LINGO2: variants seen among roughly 807,000 people sequenced by gnomAD.
LINGO2 encodes the protein leucine rich repeat and Ig domain containing 2, also known as leucine-rich repeat and immunoglobulin-like domain-containing nogo receptor-interacting protein 2.
LINGO2 carries 14 observed loss-of-function variants against 30.6 expected under a neutral mutation model. The ratio of observed to expected loss-of-function variants is 0.46; its 90% CI spans 0.30 to 0.72. The LOEUF (loss-of-function observed/expected upper bound fraction) is 0.72. Ranked by LOEUF, LINGO2 falls within the 30% of genes least tolerant of loss-of-function variation. The pLI, the probability that LINGO2 is intolerant of heterozygous loss-of-function variation, is 0.07. For synonymous variants in LINGO2, 317 were observed against 288.5 expected, an observed-to-expected ratio of 1.10 and a Z score of -1.00; for missense variants, 729 against 751.7, an observed-to-expected ratio of 0.97 and a Z score of 0.35.
the LINGO2 span, among the ~76,000 whole-genome samples, chr9:28,765,385 T>C: frequency 6.6e-6 from 1 of 152,068 alleles, no homozygotes; most frequent in Non-Finnish European, 1.5e-5. Flanking sequence ...AATACTGGTA[T>C]GTTTTGGATA....
chr9:28,896,593 TA>T, the LINGO2 span, among the ~76,000 whole-genome samples: 1 of 151,962 alleles, frequency 6.6e-6, no homozygotes, highest in African/African-American at 2.4e-5. Context: ...TCAAATGCCA[TA>T]AAAAAATAAG....
chr9:29,035,991 C>T, the LINGO2 span, among the ~76,000 whole-genome samples: 1 of 151,888 alleles, frequency 6.6e-6, no homozygotes, highest in African/African-American at 2.4e-5. Flanking sequence ...ATTTGGGAAG[C>T]AAGATTAGAA....
intron 1 of LINGO2, among the ~76,000 whole-genome samples, chr9:28,622,945 G>A (rs1826479249): frequency 2.0e-5 from 3 of 151,924 alleles, no homozygotes; most frequent in Admixed American, 6.6e-5. Flanking sequence ...GATAGATGAT[G>A]TCAAGCACCT....
At chr9:28,447,158 G>A (rs1449853401) in intron 2 of LINGO2, among the ~76,000 whole-genome samples, 1 of 152,014 alleles carries the variant, frequency 6.6e-6, no homozygotes, top group Non-Finnish European at 1.5e-5. Flanking sequence ...ATATGACTCT[G>A]GATTTTTCTG....
the LINGO2 span, among the ~76,000 whole-genome samples, chr9:28,807,272 C>T: frequency 5.3e-5 from 8 of 152,098 alleles, no homozygotes; most frequent in African/African-American, 1.9e-4. Context: ...ATCTGCCAGC[C>T]TCGGCCTCCC....
In LINGO2 at chr9:28,130,925, A is replaced by G. The variant is rs756103942; in HGVS notation, c.-86-118520T>C. 9.9e-5 allele frequency among the ~76,000 whole-genome samples: 15 copies of G among 152,144 alleles called. No individual in the cohort carries two copies. Among genetic ancestry groups the G allele is most frequent in the Non-Finnish European group, 1.9e-4 (13 of 68,012 alleles). On this transcript the variant is annotated intron_variant, in intron 4 of 5. Transcript: ENST00000379992. The surrounding 1 kb of genome is among the most constrained non-coding windows in gnomAD (Gnocchi z 5.2). ...TTGTTTCAGTTTTCTGTCTCCAAAT[A>G]TATAGCCTGTATGATAGACAAACTG...
chr9:28,309,286 C>T (rs988364169), intron 3 of LINGO2, among the ~76,000 whole-genome samples: 4 of 152,056 alleles, frequency 2.6e-5, no homozygotes, highest in African/African-American at 9.7e-5. Flanking sequence ...TTTGTAGGGA[C>T]ATGGATGAAA....
chr9:28,458,823 C>T (rs1420968935), intron 2 of LINGO2, among the ~76,000 whole-genome samples: 1 of 152,080 alleles, frequency 6.6e-6, no homozygotes. Context: ...AAACTCATTG[C>T]TCACCTTGAA....
the LINGO2 span, among the ~76,000 whole-genome samples, chr9:28,868,236 T>A: frequency 6.6e-6 from 1 of 152,086 alleles, no homozygotes; most frequent in Admixed American, 6.6e-5. Flanking sequence ...GAATAAGTCC[T>A]CATTGATGAC....
intron 1 of LINGO2, among the ~76,000 whole-genome samples, chr9:28,589,373 A>G (rs554686916): frequency 6.6e-6 from 1 of 152,304 alleles, no homozygotes; most frequent in Non-Finnish European, 1.5e-5. Flanking sequence ...CTCTGTTTGC[A>G]GATGACATGA....
intron 2 of LINGO2, among the ~76,000 whole-genome samples, chr9:28,464,939 G>A (rs1825235550): frequency 6.6e-6 from 1 of 152,214 alleles, no homozygotes; most frequent in African/African-American, 2.4e-5. Flanking sequence ...TCAGCCCGCA[G>A]TGCTCAAAAC....
chr9:28,710,196 A>C, the LINGO2 span, among the ~76,000 whole-genome samples: 1 of 151,824 alleles, frequency 6.6e-6, no homozygotes, highest in African/African-American at 2.4e-5. Context: ...CAGAGGCCCC[A>C]AAGAGTTGCC....
At chr9:28,691,912 T>C in the LINGO2 span, among the ~76,000 whole-genome samples, 1 of 152,056 alleles carries the variant, frequency 6.6e-6, no homozygotes, top group South Asian at 2.1e-4. Context: ...TAACTCCATA[T>C]AACAATTAGT....
At chr9:28,228,834 A>T (rs1389325206) in intron 4 of LINGO2, among the ~76,000 whole-genome samples, 2 of 151,842 alleles carry the variant, frequency 1.3e-5, no homozygotes, top group East Asian at 1.9e-4. Flanking sequence ...TTTTTATTAA[A>T]TTTCTATATT....
At chr9:28,000,377 A>AG (rs1460811588) in intron 5 of LINGO2, among the ~76,000 whole-genome samples, 1 of 148,470 alleles carries the variant, frequency 6.7e-6, no homozygotes, top group African/African-American at 2.6e-5. Context: ...GAAAAGAAGG[A>AG]GGAGAAAAAA....
At chr9:28,262,484 T>G (rs1226743190) in intron 4 of LINGO2, among the ~76,000 whole-genome samples, 1 of 151,950 alleles carries the variant, frequency 6.6e-6, no homozygotes, top group Non-Finnish European at 1.5e-5. Flanking sequence ...TAGTGGGGTA[T>G]TCTTCAACAC....
chr9:28,459,679 C>T lies in LINGO2; in HGVS notation c.-279+16261G>A, dbSNP rs565489409. On this transcript the variant is annotated intron_variant, in intron 2 of 5. Transcript: ENST00000379992. ...TATTCTTAGCACCACACAATATTCT[C>T]GGTCCATAGATGGTACCAAGTAAAT... Among the ~76,000 whole-genome samples, 44 of 151,998 alleles carry T rather than the reference C, an allele frequency of 2.9e-4. No homozygotes were observed. The South Asian group carries it at 7.5e-3, about 26-fold the overall frequency.
chr9:28,944,649 G>A, the LINGO2 span, among the ~76,000 whole-genome samples: 65 of 152,088 alleles, frequency 4.3e-4, no homozygotes, highest in Non-Finnish European at 7.5e-4. Flanking sequence ...CAGGTGATCT[G>A]CCCACCTCGG....
chr9:28,661,145 A>AATATATATATATAT (rs372827051), intron 1 of LINGO2, among the ~76,000 whole-genome samples: 11 of 150,160 alleles, frequency 7.3e-5, no homozygotes, highest in African/African-American at 2.4e-4. Flanking sequence ...GATGCAGAAA[A>AATATATATATATAT]ATATATATAT....
Sources: gnomAD v4.1 joint callset for allele counts (sites outside exome capture counted in the v4.1 genomes callset) on GRCh38, gnomAD v4.1.1 for gene constraint, Gnocchi (gnomAD v3.1) non-coding constraint, MANE v1.5 for transcripts, NCBI Gene and HGNC (gene_info 2026-07-23, HGNC 2026-07-21) for gene names.